The following MAPRE2 variants were observed in gnomAD, a reference collection of about 807,000 sequenced individuals.
MAPRE2 encodes the protein microtubule-associated protein RP/EB family member 2.
In MAPRE2, 13 loss-of-function variants were observed where a neutral mutation model predicts 43.2. The ratio of observed to expected loss-of-function variants is 0.30; its 90% CI spans 0.20 to 0.48. The LOEUF is 0.48. Among genes scored for constraint, MAPRE2 ranks in the 20% least tolerant of loss-of-function variants. MAPRE2 has a pLI of 0.99. For missense variants in MAPRE2, 161 were observed against 400.2 expected, an observed-to-expected ratio of 0.40 and a Z score of 5.10; for synonymous variants, 135 against 148.8, an observed-to-expected ratio of 0.91 and a Z score of 0.68.
intron 2 of MAPRE2, among the ~76,000 whole-genome samples, chr18:35,082,469 T>G (rs1448056619): frequency 1.3e-5 from 2 of 152,138 alleles, no homozygotes; most frequent in African/African-American, 4.8e-5. Flanking sequence ...CTTTCCAACA[T>G]TTATCCCCAC....
Position 35,083,775 on chromosome 18 carries a change from C to A in MAPRE2, c.250+13453C>A, listed in dbSNP as rs368141247. 9.2e-5 allele frequency among the ~76,000 whole-genome samples: 14 copies of A among 152,250 alleles called. No homozygotes were observed. In the East Asian group the frequency reaches 2.5e-3, roughly 27 times the overall value. Reference sequence around the variant, plus strand: ...CATTAATCAGCAGACGAAAAGAAATCTGAAACCAATGAGATATTTTACTTG... The same window carrying A: ...CATTAATCAGCAGACGAAAAGAAATATGAAACCAATGAGATATTTTACTTG... On this transcript the variant is annotated intron_variant, in intron 2 of 6. Transcript: ENST00000300249.
intron 2 of MAPRE2, among the ~76,000 whole-genome samples, chr18:35,009,630 T>C (rs2097033459): frequency 6.6e-6 from 1 of 152,166 alleles, no homozygotes; most frequent in South Asian, 2.1e-4. Context: ...CAATTAAAGT[T>C]GGCCTGCATT....
intron 1 of MAPRE2, among the ~76,000 whole-genome samples, chr18:34,993,818 G>A (rs1184875810): frequency 6.6e-6 from 1 of 152,088 alleles, no homozygotes; most frequent in African/African-American, 2.4e-5. Context: ...CATAATCAGA[G>A]GGTTGACAGA....
rs571188789 is a variant in MAPRE2, at chr18:35,046,612, A to G, written c.122+4951A>G. On this transcript the variant is annotated intron_variant, in intron 1 of 6. Transcript: ENST00000300249. ...AAGTTTATTGACTGAAGATAGTGTA[A>G]TGAAAACAGATGCCTACTGCAGTGG... Among the ~76,000 whole-genome samples, 30 of 152,354 alleles carry G rather than the reference A, an allele frequency of 2.0e-4. 1 individual carries two copies. In the South Asian group the frequency reaches 6.2e-3, roughly 32 times the overall value.
chr18:35,127,623 T>G (rs955820609), intron 5 of MAPRE2: 1 of 152,254 alleles, frequency 6.6e-6, no homozygotes, highest in African/African-American at 2.4e-5. Context: ...CTTTCCTTCC[T>G]TCATAGAACT....
chr18:35,039,494 G>A (rs1351340011), upstream of MAPRE2, among the ~76,000 whole-genome samples: 10 of 152,218 alleles, frequency 6.6e-5, no homozygotes, highest in Admixed American at 6.5e-4. Context: ...GTGAGATGTG[G>A]ACGAAGGAAT....
At chr18:35,097,867 CTT>C (rs1410764037) in intron 3 of MAPRE2, among the ~76,000 whole-genome samples, 1 of 152,150 alleles carries the variant, frequency 6.6e-6, no homozygotes, top group Non-Finnish European at 1.5e-5. Context: ...AGATGAGAAA[CTT>C]TTAATGTTTG....
Position 34,985,393 on chromosome 18 carries a change from T to C in MAPRE2, c.-70+8314T>C, listed in dbSNP as rs1367502617. 1.3e-4 allele frequency among the ~76,000 whole-genome samples: 5 copies of C among 38,290 alleles called. 1 individual carries two copies. Among genetic ancestry groups the C allele is most frequent in the Non-Finnish European group, 2.2e-4 (5 of 22,764 alleles). The allele number at this position is 38,290 out of a possible 152,430, so 25.1% of individuals were successfully genotyped here. A position where few individuals can be genotyped will look rare whatever the true frequency, so the allele number is the denominator to read the frequency against. ...TATAATATATTATTTTATATATATA[T>C]AATATATAATATATTATAAATATAA... On this transcript the variant is annotated intron_variant, in intron 1 of 7. Coordinates refer to the MAPRE2 transcript ENST00000413393.
chr18:34,993,992 CTTTT>C (rs11301716), intron 1 of MAPRE2, among the ~76,000 whole-genome samples: 29,195 of 119,914 alleles, frequency 0.24, 2,997 homozygotes, highest in East Asian at 0.3. Flanking sequence ...CATGGATTTT[CTTTT>C]TTTTTTTTTT....
chr18:35,023,390 T>C (rs900055342), intron 2 of MAPRE2, among the ~76,000 whole-genome samples: 6 of 151,804 alleles, frequency 4.0e-5, no homozygotes, highest in Admixed American at 1.3e-4. Context: ...CAGGCGCCTG[T>C]AGTCCCAGCT....
At chr18:35,127,183 G>A (rs1159346708) in intron 5 of MAPRE2, 96 bp downstream of exon 5, 11 of 1,276,344 alleles carry the variant, frequency 8.6e-6, no homozygotes, top group South Asian at 4.2e-5. Context: ...GGGAGGGAAG[G>A]GTAAGGAAGA....
intron 4 of MAPRE2, among the ~76,000 whole-genome samples, chr18:35,116,995 C>T (rs1478404765): frequency 6.6e-6 from 1 of 152,062 alleles, no homozygotes; most frequent in Admixed American, 6.6e-5. Flanking sequence ...TTAGAGAGGG[C>T]ACAGTTAGAA....
intron 1 of MAPRE2, among the ~76,000 whole-genome samples, chr18:35,047,176 A>G (rs1314534220): frequency 6.6e-6 from 1 of 152,166 alleles, no homozygotes; most frequent in Non-Finnish European, 1.5e-5. Flanking sequence ...ATTTTAGTCA[A>G]TTTCACTTTA....
rs721880 is a variant in MAPRE2, at chr18:35,031,461, A to G, written c.-8+25908A>G. On this transcript the variant is annotated intron_variant, in intron 2 of 7. Transcript: ENST00000413393. ...AAGCTCTTAAATTTAGCCAGATGGT[A>G]TAATTCAAAAGTACATTTTTGTTTA... 4.9e-3 allele frequency among the ~76,000 whole-genome samples: 747 copies of G among 152,348 alleles called. 5 individuals are homozygous for G. Among genetic ancestry groups the G allele is most frequent in the African/African-American group, 0.016 (669 of 41,586 alleles).
intron 1 of MAPRE2, among the ~76,000 whole-genome samples, chr18:34,984,067 T>A (rs1264494704): frequency 6.6e-6 from 1 of 152,230 alleles, no homozygotes; most frequent in Non-Finnish European, 1.5e-5. Context: ...GTGGACAATT[T>A]TGTTTAAAAT....
intron 2 of MAPRE2, among the ~76,000 whole-genome samples, chr18:35,025,242 A>T (rs1324351328): frequency 6.6e-6 from 1 of 152,206 alleles, no homozygotes; most frequent in Non-Finnish European, 1.5e-5. Context: ...CTTTACCCAG[A>T]GTTGAGTGTT....
At chr18:34,984,561 A>T (rs1447542569) in intron 1 of MAPRE2, 1 of 151,686 alleles carries the variant, frequency 6.6e-6, no homozygotes, top group African/African-American at 2.4e-5. Flanking sequence ...CACCAGTGAT[A>T]GTAATGGCAT....
intron 2 of MAPRE2, among the ~76,000 whole-genome samples, chr18:35,019,006 G>A (rs2097040288): frequency 6.6e-6 from 1 of 151,568 alleles, no homozygotes; most frequent in South Asian, 2.1e-4. Context: ...CAGAGATTTT[G>A]GTATGTTGCA....
rs1037370293 is a variant in MAPRE2 at position 35,006,381 on chromosome 18, CA to C, written c.-8+837del. The stretch of plus-strand genomic sequence containing the variant: ...TGGGGACGTATGTGTTTTCTTCTTT[CA>C]AAAAAAAATTCTGGAATGATAAAAT... On this transcript the variant is annotated intron_variant, in intron 2 of 7. Transcript: ENST00000413393. 1.7e-3 allele frequency among the ~76,000 whole-genome samples: 255 copies of C among 151,140 alleles called. 5 individuals are homozygous for C. Among genetic ancestry groups the C allele is most frequent in the African/African-American group, 5.5e-3 (229 of 41,268 alleles).
Sources: allele counts gnomAD v4.1 joint callset (sites outside exome capture counted in the v4.1 genomes callset), GRCh38; gene constraint gnomAD v4.1.1; transcripts MANE v1.5; gene names NCBI Gene and HGNC (gene_info 2026-07-23, HGNC 2026-07-21).